ATG7: variants seen among roughly 807,000 people sequenced by gnomAD.
ATG7 encodes the protein autophagy related 7, also known as ubiquitin-like modifier-activating enzyme ATG7.
In ATG7, 70 loss-of-function variants were observed where a neutral mutation model predicts 82.4. The ratio of observed to expected loss-of-function variants is 0.85; its 90% CI spans 0.70 to 1.04. The LOEUF (loss-of-function observed/expected upper bound fraction) is 1.04. Ranked by LOEUF, ATG7 falls within the 50% of genes least tolerant of loss-of-function variation. The pLI, the probability that ATG7 is intolerant of heterozygous loss-of-function variation, is 0.00. For missense variants in ATG7, 792 were observed against 864.3 expected (o/e 0.92, Z 1.05); for synonymous variants, 287 against 313.0 (o/e 0.92, Z 0.88).
intron 13 of ATG7, among the ~76,000 whole-genome samples, chr3:11,345,609 CCT>C (rs1399294054): frequency 6.6e-6 from 1 of 151,994 alleles, no homozygotes; most frequent in Non-Finnish European, 1.5e-5. Flanking sequence ...TTTTCATATT[CCT>C]AATGTTGTAT....
At chr3:11,511,363 G>A (rs187555735) in intron 20 of ATG7, among the ~76,000 whole-genome samples, 26 of 152,104 alleles carry the variant, frequency 1.7e-4, no homozygotes, top group South Asian at 4.2e-4. Flanking sequence ...ACAGAGTTTC[G>A]ACACACAGGT....
chr3:11,517,337 C>T (rs926837893), intron 20 of ATG7, among the ~76,000 whole-genome samples: 21 of 130,114 alleles, frequency 1.6e-4, no homozygotes, highest in Admixed American at 5.5e-4. Context: ...CAGACTCCAC[C>T]TCAAAAAAAA....
chr3:11,466,406 C>A, intron 20 of ATG7, among the ~76,000 whole-genome samples: 1 of 152,196 alleles, frequency 6.6e-6, no homozygotes, highest in Middle Eastern at 3.2e-3. Flanking sequence ...TTGCAAAGGG[C>A]ATGAATACTT....
intron 20 of ATG7, among the ~76,000 whole-genome samples, chr3:11,527,560 C>T (rs2092611809): frequency 6.6e-6 from 1 of 152,162 alleles, no homozygotes; most frequent in African/African-American, 2.4e-5. Flanking sequence ...TACATAAACA[C>T]CTCAATTATC....
At chr3:11,520,342 A>C (rs182319332) in intron 20 of ATG7, among the ~76,000 whole-genome samples, 2 of 152,350 alleles carry the variant, frequency 1.3e-5, no homozygotes, top group African/African-American at 4.8e-5. Flanking sequence ...ATTCTCTTCC[A>C]TTAGTTTATT....
intron 17 of ATG7, 115 bp from the exon 18 acceptor site, chr3:11,364,544 C>A: frequency 8.5e-7 from 1 of 1,179,988 alleles, no homozygotes; most frequent in South Asian, 1.4e-5. Context: ...CTTACACTGC[C>A]CAGCAAGGGG....
intron 5 of ATG7, among the ~76,000 whole-genome samples, chr3:11,300,575 A>AG (rs1204371680): frequency 6.6e-6 from 1 of 152,168 alleles, no homozygotes. Flanking sequence ...AATGTCCAGG[A>AG]GGAACTGGAG....
intron 20 of ATG7, among the ~76,000 whole-genome samples, chr3:11,451,732 A>G (rs1292494218): frequency 6.6e-6 from 1 of 151,688 alleles, no homozygotes; most frequent in Non-Finnish European, 1.5e-5. Context: ...AACATCTAGC[A>G]TAAGAATTGG....
At chr3:11,360,190 C>T (rs1465364341) in intron 15 of ATG7, among the ~76,000 whole-genome samples, 4 of 152,292 alleles carry the variant, frequency 2.6e-5, no homozygotes, top group South Asian at 4.1e-4. Context: ...CGACTACTGG[C>T]GCAAGCCATC....
At chr3:11,545,662 C>T (rs2071217219) in intron 20 of ATG7, among the ~76,000 whole-genome samples, 1 of 147,972 alleles carries the variant, frequency 6.8e-6, no homozygotes, top group South Asian at 2.1e-4. Context: ...GCTTGGGCTC[C>T]GTGTCCCGAG....
intron 20 of ATG7, among the ~76,000 whole-genome samples, chr3:11,460,109 G>A (rs942608105): frequency 3.3e-5 from 5 of 152,168 alleles, no homozygotes; most frequent in Admixed American, 2.6e-4. Context: ...AATGTAGGCA[G>A]CCTCAGTGCT....
chr3:11,363,839 CA>C (rs1283398475), intron 17 of ATG7, among the ~76,000 whole-genome samples: 1 of 152,184 alleles, frequency 6.6e-6, no homozygotes. Context: ...TTGTGTGACT[CA>C]AAGCTTTCCT....
intron 20 of ATG7, among the ~76,000 whole-genome samples, chr3:11,453,559 A>G (rs2085409794): frequency 6.6e-6 from 1 of 152,152 alleles, no homozygotes; most frequent in Non-Finnish European, 1.5e-5. Flanking sequence ...TGTTTTGGCT[A>G]ATTTTTCTCA....
chr3:11,310,652 A>C (rs1446209596), intron 7 of ATG7, among the ~76,000 whole-genome samples: 1 of 137,006 alleles, frequency 7.3e-6, no homozygotes, highest in Admixed American at 7.4e-5. Context: ...TTTTTTTTTG[A>C]GACGGAGTCT....
chr3:11,522,907 CCCAGCCCGCCACCTA>C (rs1199223189), intron 20 of ATG7, among the ~76,000 whole-genome samples: 1 of 152,096 alleles, frequency 6.6e-6, no homozygotes, highest in Non-Finnish European at 1.5e-5. Context: ...GAGGTCAGGT[CCCAGCCCGCCACCTA>C]CCAGCCGCAT....
intron 3 of ATG7, among the ~76,000 whole-genome samples, chr3:11,286,413 A>G (rs903056501): frequency 3.9e-5 from 6 of 152,096 alleles, no homozygotes; most frequent in African/African-American, 1.4e-4. Flanking sequence ...TATGTTCTTC[A>G]TGATTCCTTA....
chr3:11,396,849 GTCTGT>G (rs2079338016), intron 19 of ATG7, among the ~76,000 whole-genome samples: 2 of 151,900 alleles, frequency 1.3e-5, no homozygotes, highest in Admixed American at 1.3e-4. Context: ...ATTGGAATTA[GTCTGT>G]TCTAAGGTTC....
chr3:11,459,849 G>C (rs915825249), intron 20 of ATG7, among the ~76,000 whole-genome samples: 1 of 152,224 alleles, frequency 6.6e-6, no homozygotes, highest in Non-Finnish European at 1.5e-5. Context: ...GCCACGTATA[G>C]TAACAGTAGA....
At position 11,527,041 on chromosome 3, in the gene ATG7, A is replaced by G. The variant is rs867860215; in HGVS notation, c.2080-27770A>G. ...AGTATATATATGTGTGTGTGTATAT[A>G]TGTGTGTGTGTGTGTGTGTGTGTGT... is the stretch of plus-strand genomic sequence containing the variant. On this transcript the variant is annotated intron_variant, in intron 20 of 20. Transcript: ENST00000693202. 6.8e-3 allele frequency among the ~76,000 whole-genome samples: 940 copies of G among 138,304 alleles called. 6 individuals are homozygous for G. Among genetic ancestry groups the G allele is most frequent in the African/African-American group, 0.011 (406 of 37,456 alleles). The allele number at this position is 138,304 out of a possible 152,430, so 90.7% of individuals were successfully genotyped here.
Sources: allele counts gnomAD v4.1 joint callset (sites outside exome capture counted in the v4.1 genomes callset), GRCh38; gene constraint gnomAD v4.1.1; transcripts MANE v1.5; gene names NCBI Gene and HGNC (gene_info 2026-07-23, HGNC 2026-07-21).